The following KLHL13 variants were observed in gnomAD, a reference collection of about 807,000 sequenced individuals.
KLHL13 encodes kelch-like protein 13.
A neutral mutation model predicts 37.1 loss-of-function variants in KLHL13; 10 were observed. The ratio of observed to expected loss-of-function variants is 0.27; its 90% confidence interval spans 0.17 to 0.46. The LOEUF (loss-of-function observed/expected upper bound fraction) is 0.46, where lower values mean the gene tolerates loss of function less well. KLHL13 is among the 20% of genes least tolerant of loss of function. The probability of loss-of-function intolerance (pLI) is 1.00; values close to 1 mark genes in which losing one functional copy is unlikely to be tolerated. For synonymous variants in KLHL13, 163 were observed against 181.2 expected, an observed-to-expected ratio of 0.90 and a Z score of 0.81; for missense variants, 360 against 509.3, an observed-to-expected ratio of 0.71 and a Z score of 2.82.
intron 1 of KLHL13, among the ~76,000 whole-genome samples, chrX:118,103,856 AT>A (rs5903510): frequency 0.038 from 4,113 of 108,965 alleles, 223 homozygotes; most frequent in African/African-American, 0.13. Flanking sequence ...CAGTGGCCGA[AT>A]TTTTTTTAAT....
chrX:118,091,646 T>C (rs770237236), intron 1 of KLHL13, among the ~76,000 whole-genome samples: 4 of 110,922 alleles, frequency 3.6e-5, no homozygotes, highest in Non-Finnish European at 7.5e-5. Flanking sequence ...TTAGGGACTT[T>C]AGGGACTATA....
intron 1 of KLHL13, among the ~76,000 whole-genome samples, chrX:118,112,137 C>T (rs1453669242): frequency 8.9e-6 from 1 of 112,154 alleles, no homozygotes; most frequent in African/African-American, 3.2e-5. Context: ...TCTACAACCT[C>T]TCTCAGAAAC....
At chrX:118,079,950 A>C (rs1192582221) in intron 1 of KLHL13, among the ~76,000 whole-genome samples, 1 of 111,564 alleles carries the variant, frequency 9.0e-6, no homozygotes, top group African/African-American at 3.3e-5. Flanking sequence ...CCAATGGAAC[A>C]GAACAGAAAA....
chrX:118,063,185 C>T (rs2054759772), intron 1 of KLHL13, among the ~76,000 whole-genome samples: 1 of 111,258 alleles, frequency 9.0e-6, no homozygotes, highest in Admixed American at 9.6e-5. Context: ...TAATTAAATC[C>T]ATAAACCATG....
In KLHL13 at chrX:118,031,508, T is replaced by C. The variant is rs977282409; in HGVS notation, c.-56+85000A>G. Among the ~76,000 whole-genome samples the C allele has an allele frequency of 1.1e-4, 8 of 71,003 alleles. No individual in the cohort carries two copies. The South Asian group carries it at 2.7e-3, about 24-fold the overall frequency. 61.7% of individuals were successfully genotyped at this position (71,003 alleles called of 115,157 possible). On this transcript the variant is annotated intron_variant, in intron 1 of 6. Transcript: ENST00000371882. ...ATATATATATTTAGATATATATATA[T>C]ACACACACATATATATTTAGTTATA...
intron 1 of KLHL13, among the ~76,000 whole-genome samples, chrX:118,038,607 C>T (rs1247619648): frequency 1.8e-5 from 2 of 111,455 alleles, no homozygotes; most frequent in African/African-American, 3.3e-5. Context: ...AGCATTTAGA[C>T]CAGGCCTAGG....
chrX:118,050,881 G>A (rs1350721427), intron 1 of KLHL13, among the ~76,000 whole-genome samples: 1 of 112,241 alleles, frequency 8.9e-6, no homozygotes, highest in Admixed American at 9.4e-5. Context: ...GGAGACATGT[G>A]AAGCACAAAT....
chrX:117,937,345 T>C (rs1000309287), intron 2 of KLHL13, among the ~76,000 whole-genome samples: 15 of 111,333 alleles, frequency 1.3e-4, no homozygotes, highest in African/African-American at 4.9e-4. Context: ...ACAGGAAATA[T>C]TGTAACAACA....
chrX:117,915,452 T>C (rs911007403), intron 4 of KLHL13, among the ~76,000 whole-genome samples: 1 of 111,354 alleles, frequency 9.0e-6, no homozygotes, highest in Non-Finnish European at 1.9e-5. Flanking sequence ...CTCTACTTCA[T>C]TGTAAGCTCT....
At chrX:117,999,221 C>A (rs1273889511) in intron 1 of KLHL13, among the ~76,000 whole-genome samples, 2 of 111,917 alleles carry the variant, frequency 1.8e-5, no homozygotes, top group Admixed American at 1.9e-4. Flanking sequence ...ATAAATCATG[C>A]TGCTATAAAG....
intron 1 of KLHL13, among the ~76,000 whole-genome samples, chrX:118,085,796 GGTGTGTGTGTGTGTGTGTGT>G (rs4025518): frequency 1.2e-5 from 1 of 85,624 alleles, no homozygotes; most frequent in Non-Finnish European, 2.3e-5. Context: ...AATATTCCAT[GGTGTGTGTGTGTGTGTGTGT>G]GTGTGTGTGT....
At chrX:117,900,463 A>C (rs1383809328) in intron 6 of KLHL13, among the ~76,000 whole-genome samples, 1 of 111,737 alleles carries the variant, frequency 8.9e-6, no homozygotes, top group Non-Finnish European at 1.9e-5. Flanking sequence ...TTTTTCTCAG[A>C]GGAGTTGGAG....
At chrX:118,081,576 T>C (rs1198499272) in intron 1 of KLHL13, among the ~76,000 whole-genome samples, 2 of 111,977 alleles carry the variant, frequency 1.8e-5, no homozygotes, top group Non-Finnish European at 3.8e-5. Flanking sequence ...ACCTCAAACA[T>C]TTATCATTTC....
chrX:118,038,056 C>A (rs868818094), intron 1 of KLHL13, among the ~76,000 whole-genome samples: 5 of 112,378 alleles, frequency 4.4e-5, no homozygotes, highest in Non-Finnish European at 7.5e-5. Flanking sequence ...AAAAGGAGAA[C>A]AATTGTTTGA....
intron 1 of KLHL13, among the ~76,000 whole-genome samples, chrX:118,018,439 T>C (rs1237545244): frequency 9.0e-6 from 1 of 111,695 alleles, no homozygotes. Context: ...TTTTTACTAG[T>C]CCTTTATTTA....
intron 1 of KLHL13, among the ~76,000 whole-genome samples, chrX:118,045,666 G>T (rs1198061224): frequency 9.1e-6 from 1 of 110,435 alleles, no homozygotes; most frequent in Non-Finnish European, 1.9e-5. Context: ...AAAAGTAGAT[G>T]GGCGTGGTGG....
intron 1 of KLHL13, among the ~76,000 whole-genome samples, chrX:117,992,234 T>TAAA (rs773486522): frequency 0.019 from 1,570 of 83,968 alleles, 53 homozygotes; most frequent in African/African-American, 0.067. Context: ...AACTGAGATG[T>TAAA]AAAAAAAAAA....
chrX:118,092,546 T>TA (rs770963298), intron 1 of KLHL13, among the ~76,000 whole-genome samples: 2 of 111,757 alleles, frequency 1.8e-5, no homozygotes, highest in African/African-American at 3.2e-5. Flanking sequence ...CCCTATTAGT[T>TA]AAAAGAAGTT....
chrX:118,072,847 C>A (rs1053328897), intron 1 of KLHL13, among the ~76,000 whole-genome samples: 1 of 111,351 alleles, frequency 9.0e-6, no homozygotes, highest in Admixed American at 9.6e-5. Flanking sequence ...GTAATCCCAG[C>A]ACTTTGGGAG....
Sources: allele counts gnomAD v4.1 joint callset (sites outside exome capture counted in the v4.1 genomes callset), GRCh38; gene constraint gnomAD v4.1.1; transcripts MANE v1.5; gene names NCBI Gene and HGNC (gene_info 2026-07-23, HGNC 2026-07-21).